The following RBFOX1 variants were observed in gnomAD, a reference collection of about 807,000 sequenced individuals.
The protein encoded by RBFOX1 is RNA binding fox-1 homolog 1.
A neutral mutation model predicts 57.7 loss-of-function variants in RBFOX1; 8 were observed. That is an observed-to-expected ratio of 0.14 (90% CI 0.08 to 0.25). The LOEUF is 0.25. Among genes scored for constraint, RBFOX1 ranks in the 10% least tolerant of loss-of-function variants. The pLI, the probability that RBFOX1 is intolerant of heterozygous loss-of-function variation, is 1.00. For missense variants in RBFOX1, 611 were observed against 548.5 expected (o/e 1.11, Z -1.14); for synonymous variants, 326 against 222.4 (o/e 1.47, Z -4.15).
At chr16:7,162,788 C>T (rs1332183728) in intron 4 of RBFOX1, among the ~76,000 whole-genome samples, 2 of 152,060 alleles carry the variant, frequency 1.3e-5, no homozygotes, top group South Asian at 2.1e-4. Flanking sequence ...TTGAAAACAG[C>T]TCTCCTCCTC....
At chr16:7,582,980 A>C (rs1415411237) in intron 6 of RBFOX1, among the ~76,000 whole-genome samples, 1 of 152,198 alleles carries the variant, frequency 6.6e-6, no homozygotes, top group African/African-American at 2.4e-5. Flanking sequence ...CAACCGTTAC[A>C]TGCCTAATGG....
At chr16:5,855,034 T>C (rs551145097) in intron 3 of RBFOX1, among the ~76,000 whole-genome samples, 3 of 152,330 alleles carry the variant, frequency 2.0e-5, no homozygotes, top group Non-Finnish European at 4.4e-5. Flanking sequence ...TTTGGAAAAA[T>C]GTCTGTTCAA....
At chr16:6,592,878 G>GCT (rs1306972733) in intron 2 of RBFOX1, among the ~76,000 whole-genome samples, 20 of 152,288 alleles carry the variant, frequency 1.3e-4, no homozygotes, top group African/African-American at 4.8e-4. Flanking sequence ...GGTTTCTTGA[G>GCT]CATGTGATTA....
At chr16:7,522,686 A>T (rs1338998426) in intron 5 of RBFOX1, among the ~76,000 whole-genome samples, 1 of 152,188 alleles carries the variant, frequency 6.6e-6, no homozygotes, top group East Asian at 1.9e-4. Context: ...CAAGGTCCCT[A>T]CGTGGGGCAC....
At chr16:6,316,110 A>G (rs1484089881) in intron 1 of RBFOX1, among the ~76,000 whole-genome samples, 1 of 152,148 alleles carries the variant, frequency 6.6e-6, no homozygotes, top group Non-Finnish European at 1.5e-5. Flanking sequence ...GGATTCCAGA[A>G]CCCTGCAAAG....
At chr16:7,703,878 T>C (rs990162489) in intron 14 of RBFOX1, among the ~76,000 whole-genome samples, 2 of 152,194 alleles carry the variant, frequency 1.3e-5, no homozygotes, top group Admixed American at 6.5e-5. Flanking sequence ...TAGAGCTGCA[T>C]GTGATTATAT....
At chr16:7,428,421 G>C (rs1598212750) in intron 4 of RBFOX1, among the ~76,000 whole-genome samples, 1 of 145,746 alleles carries the variant, frequency 6.9e-6, no homozygotes, top group African/African-American at 2.5e-5. Context: ...TTGCCTCCTG[G>C]GTTCTAGTGA....
intron 2 of RBFOX1, among the ~76,000 whole-genome samples, chr16:6,433,901 A>G (rs1390259109): frequency 7.1e-6 from 1 of 141,510 alleles, no homozygotes; most frequent in South Asian, 2.2e-4. Context: ...ATACTGGAAT[A>G]TAGTGGCACC....
Position 5,812,286 on chromosome 16 carries a change from T to C in RBFOX1, c.319-55017T>C, listed in dbSNP as rs190659999. Among the ~76,000 whole-genome samples the C allele has an allele frequency of 8.3e-4, 127 of 152,288 alleles. 1 individual carries two copies. Among genetic ancestry groups the C allele is most frequent in the African/African-American group, 2.9e-3 (120 of 41,554 alleles). On this transcript the variant is annotated intron_variant, in intron 3 of 19. Transcript: ENST00000641259. ...ACGCCTTTGGACATGTGCTTTTCTT[T>C]CTCTTGAGTAGCTAGAAGTAGAAAG...
chr16:7,234,406 A>T (rs1255439129), intron 4 of RBFOX1, among the ~76,000 whole-genome samples: 2 of 152,160 alleles, frequency 1.3e-5, no homozygotes, highest in Non-Finnish European at 2.9e-5. Flanking sequence ...GGGAAAAGCT[A>T]ACCTTTGGGA....
intron 2 of RBFOX1, among the ~76,000 whole-genome samples, chr16:6,337,883 A>G (rs549552864): frequency 6.6e-6 from 1 of 152,336 alleles, no homozygotes; most frequent in South Asian, 2.1e-4. Flanking sequence ...CCTTGGGTAC[A>G]AACTGGTCAA....
At chr16:5,771,518 T>G (rs776327455) in intron 3 of RBFOX1, among the ~76,000 whole-genome samples, 26 of 152,170 alleles carry the variant, frequency 1.7e-4, no homozygotes, top group Admixed American at 3.9e-4. Flanking sequence ...ACATGATTCT[T>G]ATGCCTCAGC....
At chr16:5,577,716 G>T (rs567526012) in intron 2 of RBFOX1, among the ~76,000 whole-genome samples, 20 of 152,258 alleles carry the variant, frequency 1.3e-4, no homozygotes, top group African/African-American at 4.1e-4. Flanking sequence ...GTGAGGTCTG[G>T]GGCAGTGTGC....
chr16:5,773,487 G>A (rs1487580421), intron 3 of RBFOX1, among the ~76,000 whole-genome samples: 1 of 152,170 alleles, frequency 6.6e-6, no homozygotes, highest in Admixed American at 6.5e-5. Context: ...GATTCTAACA[G>A]TTGCATAATT....
chr16:6,203,095 G>C (rs531534755), intron 1 of RBFOX1, among the ~76,000 whole-genome samples: 1 of 151,654 alleles, frequency 6.6e-6, no homozygotes, highest in Non-Finnish European at 1.5e-5. Flanking sequence ...TTTTCCTTTT[G>C]TGGTAAGAGC....
chr16:6,062,621 T>TATAATATATAACATATATATATA (rs6145734), intron 1 of RBFOX1, among the ~76,000 whole-genome samples: 1 of 147,712 alleles, frequency 6.8e-6, no homozygotes, highest in African/African-American at 2.5e-5. Flanking sequence ...AATATATAAA[T>TATAATATATAACATATATATATA]ATATATAACA....
At chr16:5,281,412 GAA>G (rs1408452467) in intron 1 of RBFOX1, among the ~76,000 whole-genome samples, 1 of 152,158 alleles carries the variant, frequency 6.6e-6, no homozygotes, top group African/African-American at 2.4e-5. Flanking sequence ...GCTGCTGGAT[GAA>G]ATATTCTGAA....
intron 4 of RBFOX1, among the ~76,000 whole-genome samples, chr16:7,208,342 G>C (rs2152765782): frequency 6.6e-6 from 1 of 152,292 alleles, no homozygotes; most frequent in African/African-American, 2.4e-5. Context: ...AGCTAACGCT[G>C]GGGAATTTAT....
At chr16:6,603,653 A>C (rs1342526857) in intron 2 of RBFOX1, among the ~76,000 whole-genome samples, 2 of 152,160 alleles carry the variant, frequency 1.3e-5, no homozygotes, top group South Asian at 4.1e-4. Context: ...GTTATGCACC[A>C]CTAGGCTGAC....
Sources: gnomAD v4.1 joint callset for allele counts (sites outside exome capture counted in the v4.1 genomes callset) on GRCh38, gnomAD v4.1.1 for gene constraint, MANE v1.5 for transcripts, NCBI Gene and HGNC (gene_info 2026-07-23, HGNC 2026-07-21) for gene names.